The following ACOT11 variants were observed in gnomAD, a reference collection of about 807,000 sequenced individuals.
ACOT11 encodes acyl-CoA thioesterase 11, also known as acyl-coenzyme A thioesterase 11.
Under a neutral mutation model 77.5 loss-of-function variants are expected in ACOT11, and 69 were observed. That is an observed-to-expected ratio of 0.89 (90% CI 0.73 to 1.09). ACOT11 has a LOEUF of 1.09. Ranked by LOEUF, ACOT11 falls within the 50% of genes least tolerant of loss-of-function variation. The probability of loss-of-function intolerance (pLI) is 0.00; values close to 1 mark genes in which losing one functional copy is unlikely to be tolerated. For missense variants in ACOT11, 766 were observed against 813.7 expected (o/e 0.94, Z 0.71); for synonymous variants, 279 against 313.0 (o/e 0.89, Z 1.15).
intron 7 of ACOT11, chr1:54,598,417 A>C (rs1325209643): frequency 1.3e-5 from 2 of 152,308 alleles, no homozygotes; most frequent in Admixed American, 6.5e-5. Context: ...CCAGCCATGC[A>C]TAGACCTCAG....
chr1:54,601,010 G>A (rs1252831010), intron 8 of ACOT11, among the ~76,000 whole-genome samples: 1 of 152,150 alleles, frequency 6.6e-6, no homozygotes, highest in East Asian at 1.9e-4. Flanking sequence ...TGGAGGGAGC[G>A]GTCCCAGGTG....
rs151213875 is a variant in ACOT11 at position 54,551,930 on chromosome 1, C to T, written c.33+3588C>T. Among the ~76,000 whole-genome samples, 20 of 151,858 alleles carry T rather than the reference C, an allele frequency of 1.3e-4. No homozygotes were observed. In the East Asian group the frequency reaches 3.9e-3, roughly 30 times the overall value. ...ACACCCAGCTAATTTTTGTATTAGC[C>T]TCCAACCACACAATGCAATCCTACT... is the stretch of plus-strand genomic sequence containing the variant. On this transcript the variant is annotated intron_variant, in intron 1 of 15. Transcript: ENST00000343744.
intron 15 of ACOT11, among the ~76,000 whole-genome samples, chr1:54,625,950 A>AAAAAAAG (rs1644269787): frequency 6.7e-6 from 1 of 148,444 alleles, no homozygotes; most frequent in East Asian, 2.0e-4. Flanking sequence ...AAAAAAAAAA[A>AAAAAAAG]AAAGAAAGAA....
chr1:54,605,327 T>C, intron 13 of ACOT11, 118 bp downstream of exon 13: 1 of 1,441,488 alleles, frequency 6.9e-7, no homozygotes, highest in Non-Finnish European at 9.1e-7. Flanking sequence ...TGGGGGTGGG[T>C]TGGAGTTCCA....
Position 54,565,253 on chromosome 1 carries a change from C to T in ACOT11, c.33+16911C>T, listed in dbSNP as rs916964594. Among the ~76,000 whole-genome samples the T allele has an allele frequency of 5.3e-5, 8 of 152,184 alleles. No individual in the cohort carries two copies. The South Asian group carries it at 1.0e-3, about 20-fold the overall frequency. On this transcript the variant is annotated intron_variant, in intron 1 of 15. Transcript: ENST00000343744. Reference sequence around the variant, plus strand: ...AGTCGAGGCAGTGATACTCTTTACCCGGCAGATCCCACTGCCTGGGTGGGA... The same window carrying T: ...AGTCGAGGCAGTGATACTCTTTACCTGGCAGATCCCACTGCCTGGGTGGGA...
Position 54,607,391 on chromosome 1 carries a change from C to T in ACOT11, c.1502+126C>T. 1 of 1,403,400 alleles carries T rather than the reference C, an allele frequency of 7.1e-7. No homozygotes were observed. The highest frequency in any genetic ancestry group is 9.7e-7 in the Non-Finnish European group (1 of 1,027,160). The allele number at this position is 1,403,400 out of a possible 1,614,324, so 86.9% of individuals were successfully genotyped here. On this transcript the variant is annotated intron_variant, in intron 14 of 15. Coordinates refer to ENST00000343744, the MANE Select transcript of ACOT11 (RefSeq NM_147161.4). This position sits in a 1 kb window ranked among gnomAD's most constrained non-coding sequence, Gnocchi z 4.5. ...TCTGCTTCCCATTGGCTGTGGGGCC[C>T]CAGGCACCACTAGACTTTTCTGGGC...
chr1:54,584,792 C>T lies in ACOT11; in HGVS notation c.171C>T (p.His57=), dbSNP rs1403521042. Residue 57 remains histidine (H), a synonymous_variant, in exon 2 of 16, where the codon CAC becomes CAT. Coordinates refer to ENST00000343744, the MANE Select transcript of ACOT11 (RefSeq NM_147161.4). The surrounding 1 kb of genome is among the most constrained non-coding windows in gnomAD (Gnocchi z 6.3). ...VQMSQLVLPC[H]TNQRGELSVG... is the part of the protein sequence containing the mutation. ...TGAGCCAGCTGGTGCTGCCCTGCCA[C>T]ACCAACCAACGTGGTGAGCTGAGCG... 6.2e-7 allele frequency: 1 copy of T among 1,614,108 alleles called. No individual in the cohort carries two copies. The highest frequency in any genetic ancestry group is 1.3e-5 in the African/African-American group (1 of 75,044).
At chr1:54,598,045 C>G (rs1277153969) in intron 7 of ACOT11, 1 of 152,906 alleles carries the variant, frequency 6.5e-6, no homozygotes, top group Non-Finnish European at 1.5e-5. Flanking sequence ...GTTCCCTCTA[C>G]CAGGAGTGCC....
intron 15 of ACOT11, among the ~76,000 whole-genome samples, chr1:54,620,845 C>CAAAAAAAAAAAAAAAAAA (rs767625864): frequency 8.3e-5 from 1 of 12,118 alleles, no homozygotes; most frequent in Admixed American, 1.5e-3. Context: ...GAGACTCTGT[C>CAAAAAAAAAAAAAAAAAA]AAAAAAAAAA....
At chr1:54,586,437 T>TC (rs1177016054) in intron 3 of ACOT11, among the ~76,000 whole-genome samples, 1 of 151,684 alleles carries the variant, frequency 6.6e-6, no homozygotes, top group African/African-American at 2.4e-5. Flanking sequence ...TTTTTTTTTT[T>TC]TCTTTTTTTT....
At chr1:54,634,815 T>TG (rs757123934) in exon 17 of ACOT11, 10 of 665,942 alleles carry the variant, frequency 1.5e-5, no homozygotes, top group Non-Finnish European at 2.2e-5. Context: ...AGACTGACGC[T>TG]GAGGAGGACT....
intron 1 of ACOT11, among the ~76,000 whole-genome samples, chr1:54,553,478 T>TA (rs567025871): frequency 1.2e-3 from 175 of 143,772 alleles, no homozygotes; most frequent in East Asian, 4.4e-3. Flanking sequence ...AAAAAAACAT[T>TA]AAAAAAAAAA....
chr1:54,558,393 G>T (rs1653345480), intron 1 of ACOT11, among the ~76,000 whole-genome samples: 1 of 152,200 alleles, frequency 6.6e-6, no homozygotes, highest in Non-Finnish European at 1.5e-5. Context: ...CCGTATTAAA[G>T]ATGAAACTGA....
In ACOT11 at chr1:54,626,794, T is replaced by C. The variant is rs895641146; in HGVS notation, c.1630-3940T>C. Among the ~76,000 whole-genome samples, 5 of 135,204 alleles carry C rather than the reference T, an allele frequency of 3.7e-5. 2 individuals carry two copies. The highest frequency in any genetic ancestry group is 8.4e-5 in the Non-Finnish European group (5 of 59,656). The allele number at this position is 135,204 out of a possible 152,430, so 88.7% of individuals were successfully genotyped here. A position where few individuals can be genotyped will look rare whatever the true frequency, so the allele number is the denominator to read the frequency against. On this transcript the variant is annotated intron_variant, in intron 15 of 16. Transcript: ENST00000371316. ...ATGAGGGCACCCCCTGCACAAACCA[T>C]TCTCATTTTGGAACTGCTGCTTATT...
At chr1:54,636,138 C>T (rs1348411103) in exon 17 of ACOT11, 1 of 152,178 alleles carries the variant, frequency 6.6e-6, no homozygotes, top group Non-Finnish European at 1.5e-5. Flanking sequence ...GTGGGTTGCC[C>T]CTCCACACCT....
chr1:54,621,889 A>C (rs988835500), intron 15 of ACOT11: 2 of 152,254 alleles, frequency 1.3e-5, no homozygotes, highest in African/African-American at 4.8e-5. Context: ...TGAGTTTGAG[A>C]TTGCTTGTGT....
intron 1 of ACOT11, among the ~76,000 whole-genome samples, chr1:54,568,317 A>T (rs762512118): frequency 4.1e-5 from 6 of 145,570 alleles, no homozygotes; most frequent in Non-Finnish European, 9.0e-5. Flanking sequence ...TTGTCTGTTC[A>T]TGTGAGAAGA....
In ACOT11 at chr1:54,563,011, C is replaced by T. The variant is rs1475445347; in HGVS notation, c.33+14669C>T. 3.4e-5 allele frequency among the ~76,000 whole-genome samples: 5 copies of T among 149,116 alleles called. 1 individual carries two copies. Among genetic ancestry groups the T allele is most frequent in the Middle Eastern group, 6.9e-3 (2 of 290 alleles). On this transcript the variant is annotated intron_variant, in intron 1 of 15. Transcript: ENST00000343744. ...CTCACTTCCCAGACGGGGTGGCGGC[C>T]GGGCAGAGGCTGCAATCTCGGCACT...
intron 13 of ACOT11, among the ~76,000 whole-genome samples, chr1:54,605,785 G>T (rs868443308): frequency 6.6e-6 from 1 of 152,132 alleles, no homozygotes. Context: ...TTTATTGATT[G>T]TTCACATGAC....
Sources: allele counts gnomAD v4.1 joint callset (sites outside exome capture counted in the v4.1 genomes callset), GRCh38; gene constraint gnomAD v4.1.1; non-coding constraint Gnocchi (gnomAD v3.1); transcripts MANE v1.5; gene names NCBI Gene and HGNC (gene_info 2026-07-23, HGNC 2026-07-21).